Variants in FARP2 observed in about 807,000 individuals in gnomAD.
FARP2 encodes the protein FERM, ARH/RhoGEF and pleckstrin domain protein 2, also known as FERM, ARHGEF and pleckstrin domain-containing protein 2.
A neutral mutation model predicts 130.5 loss-of-function variants in FARP2; 111 were observed. The observed-to-expected ratio is 0.85, with a 90% CI of 0.73 to 1.00. The LOEUF (loss-of-function observed/expected upper bound fraction) is 1.00, where lower values mean the gene tolerates loss of function less well. Among genes scored for constraint, FARP2 ranks in the 50% least tolerant of loss-of-function variants. The pLI is 0.00. For missense variants in FARP2, 1,385 were observed against 1,346.3 expected (o/e 1.03, Z -0.45); for synonymous variants, 504 against 516.9 (o/e 0.98, Z 0.34).
intron 19 of FARP2, among the ~76,000 whole-genome samples, chr2:241,477,359 A>G (rs1340226830): frequency 6.6e-6 from 1 of 151,828 alleles, no homozygotes; most frequent in Admixed American, 6.6e-5. Flanking sequence ...CAAGCTCTTG[A>G]CCTTGTGATC....
intron 15 of FARP2, 36 bp downstream of exon 15, chr2:241,462,648 A>T (rs1401066336): frequency 3.1e-6 from 4 of 1,298,472 alleles, no homozygotes; most frequent in Non-Finnish European, 4.5e-6. Context: ...TTTTTTTTTA[A>T]AATAAATCTC....
chr2:241,373,561 G>A (rs2061470226), intron 2 of FARP2, among the ~76,000 whole-genome samples: 1 of 152,210 alleles, frequency 6.6e-6, no homozygotes, highest in African/African-American at 2.4e-5. Context: ...GCTGGAAGGT[G>A]CAGACTGGAG....
At chr2:241,444,033 C>G (rs1420595266) in intron 13 of FARP2, 1 of 152,262 alleles carries the variant, frequency 6.6e-6, no homozygotes, top group African/African-American at 2.4e-5. Context: ...TTGTGGCTAA[C>G]CACATCAGGC....
At chr2:241,449,962 G>A (rs189717497) in intron 13 of FARP2, among the ~76,000 whole-genome samples, 90 of 150,580 alleles carry the variant, frequency 6.0e-4, no homozygotes, top group African/African-American at 2.1e-3. Context: ...AGCTGAGATC[G>A]CTCCATTGCA....
At chr2:241,491,396 G>A in intron 23 of FARP2, 120 bp from the exon 24 acceptor site, 1 of 1,136,000 alleles carries the variant, frequency 8.8e-7, no homozygotes, top group South Asian at 1.4e-5. Context: ...CCAGCAGCTG[G>A]CCTAGCACCA....
intron 1 of FARP2, among the ~76,000 whole-genome samples, chr2:241,369,028 T>C (rs566684662): frequency 7.9e-5 from 12 of 152,220 alleles, no homozygotes; most frequent in Admixed American, 1.3e-4. Flanking sequence ...AAGATCAGTC[T>C]CATGAACAAG....
At chr2:241,415,989 C>CTCTGTGTGTGTG (rs764755388) in intron 7 of FARP2, among the ~76,000 whole-genome samples, 49 of 141,792 alleles carry the variant, frequency 3.5e-4, no homozygotes, top group East Asian at 6.3e-4. Context: ...CAGGGTAGTT[C>CTCTGTGTGTGTG]TGTGTGTGTG....
In FARP2 at chr2:241,441,470, C is replaced by T. The variant is rs762854369; in HGVS notation, c.1325C>T (p.Ala442Val). The T allele has an allele frequency of 6.2e-7, 1 of 1,614,094 alleles. No individual in the cohort carries two copies. Among genetic ancestry groups the T allele is most frequent in the African/African-American group, 1.3e-5 (1 of 74,944 alleles). The change falls in exon 13 of 27, where the codon GCA becomes GTA. Residue 442 changes from alanine (A) to valine (V), a missense_variant. Physicochemically the swap from Ala to Val is moderately conservative, Grantham distance 64. Coordinates refer to ENST00000264042, the MANE Select transcript of FARP2 (RefSeq NM_014808.4). ...GTTTCCTACGTCAAGAGTCCAGCTG[C>T]AGAGAGGCGCAGTGGAGCAGTGGCT... ...PQVSYVKSPA[A>V]ERRSGAVAGG...
rs886941123 is a variant in FARP2 at position 241,491,566 on chromosome 2, G to C, written c.2674G>C (p.Gly892Arg). The C allele has an allele frequency of 1.9e-6, 3 of 1,613,790 alleles. No homozygotes were observed. Among genetic ancestry groups the C allele is most frequent in the Non-Finnish European group, 1.7e-6 (2 of 1,179,976 alleles). Residue 892 changes from glycine to arginine, a missense_variant, in exon 24 of 27, where the codon GGT (glycine) becomes CGT (arginine). Coordinates refer to ENST00000264042, the MANE Select transcript of FARP2 (RefSeq NM_014808.4). ...GCAGGAGTCAGAAGATGATGCTCGGGGTGTCCGCAGCTCCCTGGAGGGGCA... is the reference window on the plus strand; with the variant it reads ...GCAGGAGTCAGAAGATGATGCTCGGCGTGTCCGCAGCTCCCTGGAGGGGCA... ...LEQESEDDAR[G>R]VRSSLEGHGQ...
Position 241,468,322 on chromosome 2 carries a change from G to T in FARP2, c.2076G>T (p.Leu692=). The change falls in exon 18 of 27, where the codon CTG becomes CTT. Residue 692 remains leucine (L), a synonymous_variant. Coordinates refer to ENST00000264042, the MANE Select transcript of FARP2 (RefSeq NM_014808.4). ...IQRLLHYRLL[L]RRLCGHYSPG... Reference sequence around the variant, plus strand: ...GGCTGCTGCACTACCGCCTGCTGCTGCGCCGCCTATGCGGACATTACAGCC... The same window carrying T: ...GGCTGCTGCACTACCGCCTGCTGCTTCGCCGCCTATGCGGACATTACAGCC... The T allele has an allele frequency of 6.2e-7, 1 of 1,613,452 alleles. No homozygotes were observed.
intron 12 of FARP2, among the ~76,000 whole-genome samples, chr2:241,440,915 C>T (rs987097124): frequency 1.3e-5 from 2 of 151,996 alleles, no homozygotes; most frequent in Middle Eastern, 3.2e-3. Context: ...TGTTGGAAGG[C>T]GAAGATGGGT....
chr2:241,490,155 G>T, intron 22 of FARP2, 111 bp downstream of exon 22: 1 of 767,338 alleles, frequency 1.3e-6, no homozygotes, highest in South Asian at 1.5e-5. Flanking sequence ...TAGCCTCATG[G>T]GGTTGTGCCC....
intron 19 of FARP2, chr2:241,477,923 C>CTTT (rs2064515773): frequency 6.5e-6 from 1 of 152,890 alleles, no homozygotes. Context: ...GTAAAGAACT[C>CTTT]TTAAAACCCA....
intron 26 of FARP2, 32 bp downstream of exon 26, chr2:241,493,476 G>T: frequency 1.2e-6 from 2 of 1,608,194 alleles, no homozygotes; most frequent in East Asian, 2.2e-5. Context: ...CTGGTCAGCT[G>T]CCCATTTCGA....
chr2:241,402,872 ATATATATAT>A (rs1559735103), intron 2 of FARP2, among the ~76,000 whole-genome samples: 3 of 11,930 alleles, frequency 2.5e-4, no homozygotes, highest in African/African-American at 4.4e-4. Context: ...ATATATATAT[ATATATATAT>A]TTTTTTTTTT....
intron 1 of FARP2, among the ~76,000 whole-genome samples, chr2:241,360,378 C>T (rs981582487): frequency 2.0e-5 from 3 of 152,248 alleles, no homozygotes; most frequent in South Asian, 2.1e-4. Flanking sequence ...CGGTGGCTCA[C>T]GCCTGTAATC....
chr2:241,374,749 A>T (rs1322530169), intron 2 of FARP2, among the ~76,000 whole-genome samples: 2 of 152,134 alleles, frequency 1.3e-5, no homozygotes, highest in Non-Finnish European at 1.5e-5. Flanking sequence ...GTGAAAGATA[A>T]TTTCATCAGG....
intron 2 of FARP2, among the ~76,000 whole-genome samples, chr2:241,378,466 C>T (rs1648780658): frequency 7.3e-6 from 1 of 136,896 alleles, no homozygotes; most frequent in South Asian, 2.3e-4. Flanking sequence ...GACTGGAGTG[C>T]AGTGGCATAG....
At chr2:241,390,300 A>T (rs1331751265) in intron 2 of FARP2, among the ~76,000 whole-genome samples, 1 of 152,158 alleles carries the variant, frequency 6.6e-6, no homozygotes, top group Non-Finnish European at 1.5e-5. Context: ...GAGTCCAGCA[A>T]ATGACTAAGG....
Sources: gnomAD v4.1 joint callset for allele counts (sites outside exome capture counted in the v4.1 genomes callset) on GRCh38, gnomAD v4.1.1 for gene constraint, MANE v1.5 for transcripts, NCBI Gene and HGNC (gene_info 2026-07-23, HGNC 2026-07-21) for gene names.